The following CNTNAP2 variants were observed in gnomAD, a reference collection of about 807,000 sequenced individuals.
The protein encoded by CNTNAP2 is contactin associated protein 2.
A neutral mutation model predicts 155.2 loss-of-function variants in CNTNAP2; 98 were observed. The ratio of observed to expected loss-of-function variants is 0.63; its 90% CI spans 0.54 to 0.75. The LOEUF (loss-of-function observed/expected upper bound fraction) is 0.75. Ranked by LOEUF, CNTNAP2 falls within the 30% of genes least tolerant of loss-of-function variation. The pLI, the probability that CNTNAP2 is intolerant of heterozygous loss-of-function variation, is 0.00. For missense variants in CNTNAP2, 1,727 were observed against 1,688.1 expected, an observed-to-expected ratio of 1.02 and a Z score of -0.40; for synonymous variants, 651 against 631.2, an observed-to-expected ratio of 1.03 and a Z score of -0.47.
intron 23 of CNTNAP2, among the ~76,000 whole-genome samples, chr7:148,411,427 G>A (rs147516977): frequency 0.012 from 1,759 of 152,008 alleles, 35 homozygotes; most frequent in African/African-American, 0.04. Context: ...CACCATGCCT[G>A]GCTAATTTTT....
chr7:146,690,861 G>A (rs1019646078), intron 1 of CNTNAP2, among the ~76,000 whole-genome samples: 21 of 152,170 alleles, frequency 1.4e-4, no homozygotes, highest in Admixed American at 1.2e-3. Context: ...TGAAGCAACT[G>A]TTTCATTTTG....
intron 3 of CNTNAP2, among the ~76,000 whole-genome samples, chr7:146,842,994 CTTTTTTTTTTTTTT>C (rs35387068): frequency 2.2e-4 from 3 of 13,668 alleles, no homozygotes; most frequent in South Asian, 6.5e-3. Context: ...CTGTCCCACA[CTTTTTTTTTTTTTT>C]TTTTTTTTTT....
At chr7:147,044,082 G>C (rs1413221622) in intron 4 of CNTNAP2, 28 bp downstream of exon 4, 1 of 1,613,332 alleles carries the variant, frequency 6.2e-7, no homozygotes, top group South Asian at 1.1e-5. Flanking sequence ...TAAATTTGTG[G>C]CAGGTTTTAT....
intron 1 of CNTNAP2, among the ~76,000 whole-genome samples, chr7:146,232,305 A>AATAAT (rs59860211): frequency 0.2 from 29,228 of 149,158 alleles, 4,931 homozygotes; most frequent in African/African-American, 0.47. Context: ...AATAATATAT[A>AATAAT]ATTTTAATTG....
intron 13 of CNTNAP2, among the ~76,000 whole-genome samples, chr7:147,874,389 T>C (rs2080155): frequency 0.017 from 2,644 of 152,362 alleles, 109 homozygotes; most frequent in East Asian, 0.16. Flanking sequence ...TCTTGACTTC[T>C]GTGTTCCTGC....
chr7:146,588,002 GTGTA>G (rs750592017), intron 1 of CNTNAP2, among the ~76,000 whole-genome samples: 155 of 132,530 alleles, frequency 1.2e-3, no homozygotes, highest in Middle Eastern at 3.7e-3. Flanking sequence ...CAAACCGTGT[GTGTA>G]TGTGTGTGTG....
At chr7:146,784,867 A>T (rs568006805) in intron 2 of CNTNAP2, among the ~76,000 whole-genome samples, 1 of 152,326 alleles carries the variant, frequency 6.6e-6, no homozygotes, top group Admixed American at 6.5e-5. Context: ...CTAGGCAAAA[A>T]GCTTTATCAA....
At chr7:146,688,797 T>TAAC (rs1800647708) in intron 1 of CNTNAP2, among the ~76,000 whole-genome samples, 1 of 152,060 alleles carries the variant, frequency 6.6e-6, no homozygotes, top group African/African-American at 2.4e-5. Flanking sequence ...TGAAATGACA[T>TAAC]AAAAACAAAG....
chr7:148,032,523 G>T (rs1300711288), intron 15 of CNTNAP2, among the ~76,000 whole-genome samples: 1 of 152,142 alleles, frequency 6.6e-6, no homozygotes. Flanking sequence ...CAAAATCAGA[G>T]GAAATGACAA....
At chr7:146,793,790 G>A (rs946086404) in intron 2 of CNTNAP2, among the ~76,000 whole-genome samples, 5 of 152,146 alleles carry the variant, frequency 3.3e-5, no homozygotes, top group Admixed American at 2.6e-4. Context: ...CAGCATAAGT[G>A]GTGTCAAGAA....
intron 3 of CNTNAP2, among the ~76,000 whole-genome samples, chr7:147,026,913 A>C (rs1798931445): frequency 5.1e-5 from 1 of 19,728 alleles, no homozygotes. Flanking sequence ...TCTCAGTGCT[A>C]AAAAAAAAAA....
rs567386804 is a variant in CNTNAP2 at position 146,699,327 on chromosome 7, G to T, written c.98-74944G>T. Among the ~76,000 whole-genome samples, 7 of 152,212 alleles carry T rather than the reference G, an allele frequency of 4.6e-5. No homozygotes were observed. In the South Asian group the frequency reaches 1.5e-3, roughly 32 times the overall value. On this transcript the variant is annotated intron_variant, in intron 1 of 23. Transcript: ENST00000361727. ...GTTTTTGTCTCCCCTGTTGTTATTG[G>T]GTTGCCACAGAGAACTTATCTTAAA...
intron 1 of CNTNAP2, among the ~76,000 whole-genome samples, chr7:146,198,490 G>T (rs1024330294): frequency 6.6e-6 from 1 of 152,052 alleles, no homozygotes; most frequent in Admixed American, 6.6e-5. Flanking sequence ...CCTCCCATTT[G>T]TTTAATTGGG....
intron 8 of CNTNAP2, among the ~76,000 whole-genome samples, chr7:147,193,589 G>C (rs1288460077): frequency 6.6e-6 from 1 of 152,116 alleles, no homozygotes; most frequent in African/African-American, 2.4e-5. Flanking sequence ...GAGGGAACAT[G>C]GAGACTATAT....
chr7:147,033,186 A>ATG (rs1563051577), intron 3 of CNTNAP2, among the ~76,000 whole-genome samples: 4 of 110,132 alleles, frequency 3.6e-5, no homozygotes, highest in East Asian at 2.8e-4. Context: ...ATATATATAT[A>ATG]TATATATATA....
At chr7:147,229,056 T>TATAG (rs1803618831) in intron 8 of CNTNAP2, among the ~76,000 whole-genome samples, 1 of 151,780 alleles carries the variant, frequency 6.6e-6, no homozygotes, top group East Asian at 2.0e-4. Flanking sequence ...TATATATATA[T>TATAG]AGAGAGAGAG....
At chr7:147,847,919 G>GT (rs1428955779) in intron 13 of CNTNAP2, among the ~76,000 whole-genome samples, 2 of 127,364 alleles carry the variant, frequency 1.6e-5, no homozygotes, top group African/African-American at 3.0e-5. Context: ...GGGGGTCAGG[G>GT]GTCAGGGACC....
intron 14 of CNTNAP2, among the ~76,000 whole-genome samples, chr7:147,927,532 T>A (rs971979276): frequency 6.6e-6 from 1 of 152,278 alleles, no homozygotes; most frequent in African/African-American, 2.4e-5. Flanking sequence ...TTCACAAAAA[T>A]TTTTTTAAAA....
intron 3 of CNTNAP2, among the ~76,000 whole-genome samples, chr7:147,030,410 C>T (rs1799007337): frequency 6.6e-6 from 1 of 152,132 alleles, no homozygotes; most frequent in African/African-American, 2.4e-5. Context: ...ATTCTGTCTG[C>T]ATTTATGTGA....
Sources: gnomAD v4.1 joint callset for allele counts (sites outside exome capture counted in the v4.1 genomes callset) on GRCh38, gnomAD v4.1.1 for gene constraint, MANE v1.5 for transcripts, NCBI Gene and HGNC (gene_info 2026-07-23, HGNC 2026-07-21) for gene names.